SDK1: variants seen among roughly 807,000 people sequenced by gnomAD.
SDK1 encodes the protein protein sidekick-1.
Under a neutral mutation model 245.5 loss-of-function variants are expected in SDK1, and 157 were observed. That is an observed-to-expected ratio of 0.64 (90% CI 0.56 to 0.73). The LOEUF is 0.73. Among genes scored for constraint, SDK1 ranks in the 30% least tolerant of loss-of-function variants. SDK1 has a pLI of 0.00. For synonymous variants in SDK1, 1,647 were observed against 1,278.5 expected (o/e 1.29, Z -6.15); for missense variants, 3,583 against 3,002.3 (o/e 1.19, Z -4.52).
intron 5 of SDK1, among the ~76,000 whole-genome samples, chr7:3,937,526 G>A (rs767353870): frequency 1.3e-5 from 2 of 152,182 alleles, no homozygotes; most frequent in Non-Finnish European, 2.9e-5. Flanking sequence ...AAACAAAATC[G>A]CAGGTCCGTT....
rs575493739 is a variant in SDK1, at chr7:3,425,600, A to G, written c.298+123716A>G. On this transcript the variant is annotated intron_variant, in intron 1 of 44. Coordinates refer to ENST00000404826, the MANE Select transcript of SDK1 (RefSeq NM_152744.4). ...AACAAATTTATATAGTGGAAATCTCATTAATGGGAATGAACAATACAACTG... is the reference window on the plus strand; with the variant it reads ...AACAAATTTATATAGTGGAAATCTCGTTAATGGGAATGAACAATACAACTG... 1.2e-3 allele frequency among the ~76,000 whole-genome samples: 181 copies of G among 152,352 alleles called. 2 individuals carry two copies. The highest frequency in any genetic ancestry group is 4.2e-3 in the African/African-American group (173 of 41,584).
intron 4 of SDK1, among the ~76,000 whole-genome samples, chr7:3,658,204 G>A (rs936384280): frequency 2.0e-5 from 3 of 152,186 alleles, no homozygotes; most frequent in African/African-American, 7.2e-5. Context: ...ATCATGAACT[G>A]TCATAGCCGT....
intron 14 of SDK1, among the ~76,000 whole-genome samples, chr7:3,996,578 G>T (rs368293927): frequency 4.6e-5 from 7 of 152,086 alleles, no homozygotes; most frequent in Admixed American, 4.6e-4. Context: ...TTTTGTCAAG[G>T]TTGTCCTGAG....
chr7:3,470,512 A>G lies in SDK1; in HGVS notation c.299-148568A>G, dbSNP rs371776882. Among the ~76,000 whole-genome samples the G allele has an allele frequency of 1.4e-4, 21 of 152,306 alleles. No individual in the cohort carries two copies. In the East Asian group the frequency reaches 3.1e-3, roughly 22 times the overall value. ...AGCTAATGAGCTGTTAATTTAGAAA[A>G]TAAAATATATACAGAAGTCTGCTTT... On this transcript the variant is annotated intron_variant, in intron 1 of 44. Coordinates refer to ENST00000404826, the MANE Select transcript of SDK1 (RefSeq NM_152744.4).
rs1240368863 is a variant in SDK1 at position 3,971,581 on chromosome 7, A to C, written c.1817+13A>C. On this transcript the variant is annotated intron_variant, in intron 12 of 44. Transcript: ENST00000404826. ...GGGTTTCACTCCGGTCAGCACAATC[A>C]GTTACAATGCTTTGGGGCTTGTTGA... is the stretch of plus-strand genomic sequence containing the variant. 3 of 1,579,622 alleles carry C rather than the reference A, an allele frequency of 1.9e-6. No individual in the cohort carries two copies. Among genetic ancestry groups the C allele is most frequent in the Non-Finnish European group, 2.6e-6 (3 of 1,151,676 alleles).
chr7:4,018,281 C>T (rs1289534598), intron 17 of SDK1, among the ~76,000 whole-genome samples: 2 of 152,212 alleles, frequency 1.3e-5, no homozygotes, highest in African/African-American at 4.8e-5. Context: ...TTTCTGACTG[C>T]CCAATTCTCT....
chr7:3,994,082 A>C (rs1426900803), intron 14 of SDK1, among the ~76,000 whole-genome samples: 1 of 152,112 alleles, frequency 6.6e-6, no homozygotes, highest in Non-Finnish European at 1.5e-5. Flanking sequence ...AAATGTTGGC[A>C]TTCCCTGCTT....
chr7:4,246,220 G>T lies in SDK1; in HGVS notation c.6381+415G>T, dbSNP rs557608626. ...GCAAGGCTGGTGCCCTCTGTGAGAG[G>T]TTTCTTGCAGAGCAGAGTGTGGGTG... On this transcript the variant is annotated intron_variant, in intron 44 of 44. Transcript: ENST00000404826. Among the ~76,000 whole-genome samples, 4 of 152,334 alleles carry T rather than the reference G, an allele frequency of 2.6e-5. No individual in the cohort carries two copies. In the South Asian group the frequency reaches 8.3e-4, roughly 32 times the overall value.
intron 4 of SDK1, among the ~76,000 whole-genome samples, chr7:3,819,387 AAAT>A (rs1305416446): frequency 2.5e-4 from 38 of 152,258 alleles, no homozygotes; most frequent in African/African-American, 9.1e-4. Context: ...ATAATGCCGT[AAAT>A]AATATCGAGA....
At chr7:3,371,725 G>C (rs912594933) in intron 1 of SDK1, among the ~76,000 whole-genome samples, 5 of 152,156 alleles carry the variant, frequency 3.3e-5, no homozygotes, top group Non-Finnish European at 7.3e-5. Context: ...AAAGGTAGAC[G>C]TGGAGGACAG....
Position 3,375,345 on chromosome 7 carries a change from C to T in SDK1, c.298+73461C>T, listed in dbSNP as rs73294231. 5.9e-3 allele frequency among the ~76,000 whole-genome samples: 901 copies of T among 152,212 alleles called. 10 individuals carry two copies. Among genetic ancestry groups the T allele is most frequent in the African/African-American group, 0.021 (872 of 41,530 alleles). ...ATGAAATAAAGTCTAGAAGTAAGCC[C>T]AAGTACATATGGGGGTTTAGTGTGT... On this transcript the variant is annotated intron_variant, in intron 1 of 44. Transcript: ENST00000404826.
At chr7:3,858,239 A>G (rs35764173) in intron 5 of SDK1, among the ~76,000 whole-genome samples, 2,092 of 152,218 alleles carry the variant, frequency 0.014, 28 homozygotes, top group Non-Finnish European at 0.02. Flanking sequence ...ATATAATATG[A>G]TATCATTTTT....
At chr7:3,429,622 G>A (rs1779774223) in intron 1 of SDK1, among the ~76,000 whole-genome samples, 1 of 147,646 alleles carries the variant, frequency 6.8e-6, no homozygotes. Context: ...TTTTTGTCAG[G>A]GTCTTGCTCT....
intron 1 of SDK1, among the ~76,000 whole-genome samples, chr7:3,446,880 T>C (rs1210496587): frequency 1.3e-5 from 2 of 152,152 alleles, no homozygotes; most frequent in Admixed American, 1.3e-4. Flanking sequence ...TCACAGTCTT[T>C]TTCAGTTGTT....
At chr7:3,955,914 G>A (rs1781222514) in intron 7 of SDK1, among the ~76,000 whole-genome samples, 1 of 152,168 alleles carries the variant, frequency 6.6e-6, no homozygotes, top group Admixed American at 6.5e-5. Context: ...TCCTGAGACT[G>A]GGGAGCTAGA....
At chr7:4,124,434 G>A (rs1215840129) in intron 25 of SDK1, among the ~76,000 whole-genome samples, 1 of 152,126 alleles carries the variant, frequency 6.6e-6, no homozygotes, top group South Asian at 2.1e-4. Flanking sequence ...CCCTGTGTGT[G>A]TCTGTCTCCT....
chr7:3,399,326 T>C (rs1016957300), intron 1 of SDK1, among the ~76,000 whole-genome samples: 2 of 152,096 alleles, frequency 1.3e-5, no homozygotes, highest in Non-Finnish European at 2.9e-5. Flanking sequence ...TCTGTCTCTT[T>C]CTTGACATTT....
At chr7:3,912,674 A>G (rs548901111) in intron 5 of SDK1, among the ~76,000 whole-genome samples, 2 of 152,274 alleles carry the variant, frequency 1.3e-5, no homozygotes, top group African/African-American at 4.8e-5. Flanking sequence ...GGCCCACCCC[A>G]CGGATGGCTT....
intron 35 of SDK1, among the ~76,000 whole-genome samples, chr7:4,186,285 C>T (rs972352589): frequency 1.6e-4 from 24 of 152,094 alleles, no homozygotes; most frequent in African/African-American, 5.1e-4. Context: ...CAAGCATGGC[C>T]GCCAGCCCAG....
Sources: gnomAD v4.1 joint callset for allele counts (sites outside exome capture counted in the v4.1 genomes callset) on GRCh38, gnomAD v4.1.1 for gene constraint, MANE v1.5 for transcripts, NCBI Gene and HGNC (gene_info 2026-07-23, HGNC 2026-07-21) for gene names.